The following HS3ST3A1 variants were observed in gnomAD, a reference collection of about 807,000 sequenced individuals.
HS3ST3A1 encodes heparan sulfate glucosamine 3-O-sulfotransferase 3A1.
A neutral mutation model predicts 25.7 loss-of-function variants in HS3ST3A1; 19 were observed. The observed-to-expected ratio is 0.74, with a 90% confidence interval of 0.52 to 1.08. The LOEUF (loss-of-function observed/expected upper bound fraction) is 1.08, where lower values mean the gene tolerates loss of function less well. Among genes scored for constraint, HS3ST3A1 ranks in the 50% least tolerant of loss-of-function variants. HS3ST3A1 has a pLI of 0.00. For synonymous variants in HS3ST3A1, 226 were observed against 278.6 expected (o/e 0.81, Z 1.88); for missense variants, 459 against 594.3 (o/e 0.77, Z 2.37).
At chr17:13,515,167 A>T (rs1906009561) in intron 1 of HS3ST3A1, among the ~76,000 whole-genome samples, 1 of 152,160 alleles carries the variant, frequency 6.6e-6, no homozygotes, top group South Asian at 2.1e-4. Context: ...AATTGCAATA[A>T]CATATATTTT....
intron 1 of HS3ST3A1, among the ~76,000 whole-genome samples, chr17:13,571,137 T>C (rs1049261434): frequency 4.6e-5 from 7 of 152,298 alleles, no homozygotes; most frequent in Admixed American, 1.3e-4. Context: ...GGAAGGGGGC[T>C]TTGCAAAGCT....
At chr17:13,546,600 T>C (rs1490319670) in intron 1 of HS3ST3A1, among the ~76,000 whole-genome samples, 1 of 152,216 alleles carries the variant, frequency 6.6e-6, no homozygotes, top group Non-Finnish European at 1.5e-5. Flanking sequence ...TATCTTGCAG[T>C]AGATTTTTCC....
chr17:13,566,869 A>G (rs1193555312), intron 1 of HS3ST3A1, among the ~76,000 whole-genome samples: 1 of 152,232 alleles, frequency 6.6e-6, no homozygotes, highest in Admixed American at 6.5e-5. Flanking sequence ...TCCATAACAT[A>G]AAAGTGTAAG....
At chr17:13,518,532 C>A (rs771619569) in intron 1 of HS3ST3A1, among the ~76,000 whole-genome samples, 8 of 152,194 alleles carry the variant, frequency 5.3e-5, no homozygotes, top group Non-Finnish European at 8.8e-5. Flanking sequence ...TTTATCCCTG[C>A]CATTTGCCAT....
intron 1 of HS3ST3A1, among the ~76,000 whole-genome samples, chr17:13,552,333 G>A (rs144615151): frequency 2.0e-5 from 3 of 152,156 alleles, no homozygotes; most frequent in East Asian, 3.9e-4. Context: ...CACCCGCCTC[G>A]GCCTCCTAAA....
intron 1 of HS3ST3A1, among the ~76,000 whole-genome samples, chr17:13,580,334 A>C (rs1908077246): frequency 6.6e-6 from 1 of 152,090 alleles, no homozygotes; most frequent in South Asian, 2.1e-4. Flanking sequence ...TAAAAATGAC[A>C]CTTTGACTTT....
chr17:13,542,940 A>G (rs756100490), intron 1 of HS3ST3A1, among the ~76,000 whole-genome samples: 4 of 152,160 alleles, frequency 2.6e-5, no homozygotes, highest in Non-Finnish European at 5.9e-5. Context: ...GACCTCTACA[A>G]GAACCCAAGA....
intron 1 of HS3ST3A1, among the ~76,000 whole-genome samples, chr17:13,505,208 A>G (rs1905620232): frequency 6.6e-6 from 1 of 152,216 alleles, no homozygotes; most frequent in Non-Finnish European, 1.5e-5. Flanking sequence ...AAAGGGGATT[A>G]CAAAAATAGT....
At chr17:13,577,222 A>G (rs988377076) in intron 1 of HS3ST3A1, among the ~76,000 whole-genome samples, 3 of 152,236 alleles carry the variant, frequency 2.0e-5, no homozygotes, top group African/African-American at 7.2e-5. Flanking sequence ...CTATAATTCA[A>G]GATGAGATTT....
intron 1 of HS3ST3A1, among the ~76,000 whole-genome samples, chr17:13,512,845 G>A (rs1261987704): frequency 3.3e-5 from 5 of 152,086 alleles, no homozygotes; most frequent in South Asian, 2.1e-4. Flanking sequence ...AACATTGCTG[G>A]CCCATCAACA....
rs1474226091 is a variant in HS3ST3A1 at position 13,496,763 on chromosome 17, A to G, written c.655T>C (p.Tyr219His). Residue 219 changes from tyrosine to histidine, a missense_variant, in exon 2 of 2, where the codon TAC (tyrosine) becomes CAC (histidine). Tyr to His is a moderately conservative substitution (Grantham distance 83). Transcript: ENST00000284110. ...GQITMEKTPS[Y>H]FVTREAPARI... ...GCGGGGGCCTCCCGCGTGACGAAGT[A>G]ACTGGGCGTCTTCTCCATGGTGATC... 6 of 1,613,964 alleles carry G rather than the reference A, an allele frequency of 3.7e-6. No homozygotes were observed. In the African/African-American group the frequency reaches 6.7e-5, roughly 18 times the overall value.
intron 1 of HS3ST3A1, among the ~76,000 whole-genome samples, chr17:13,562,460 T>G (rs1455494003): frequency 6.6e-6 from 1 of 152,048 alleles, no homozygotes; most frequent in Non-Finnish European, 1.5e-5. Context: ...ATTCCTGACA[T>G]TGCAGCCCCC....
At chr17:13,526,244 G>A (rs913083771) in intron 1 of HS3ST3A1, among the ~76,000 whole-genome samples, 1 of 151,848 alleles carries the variant, frequency 6.6e-6, no homozygotes, top group Non-Finnish European at 1.5e-5. Flanking sequence ...AGAGGCTCCT[G>A]TCCCAACTTC....
rs10632927 is a variant in HS3ST3A1, at chr17:13,560,289, CAAAAAAAAA to C, written c.599+40233_599+40241del. 5.9e-3 allele frequency among the ~76,000 whole-genome samples: 103 copies of C among 17,374 alleles called. 3 individuals are homozygous for C. The South Asian group carries it at 0.12, about 20-fold the overall frequency. 11.4% of individuals were successfully genotyped at this position (17,374 alleles called of 152,430 possible). ...TGGGCAACAGAGGGACACTCGTCTCCAAAAAAAAAAAAAAAAAAAAAAAAAAAAAAGTGT... is the reference window on the plus strand; with the variant it reads ...TGGGCAACAGAGGGACACTCGTCTCCAAAAAAAAAAAAAAAAAAAAAGTGT... On this transcript the variant is annotated intron_variant, in intron 1 of 1. Transcript: ENST00000284110.
At chr17:13,596,438 C>CACACACACAT (rs1555543575) in intron 1 of HS3ST3A1, among the ~76,000 whole-genome samples, 32 of 151,610 alleles carry the variant, frequency 2.1e-4, no homozygotes, top group African/African-American at 7.5e-4. Context: ...CACACACACA[C>CACACACACAT]ACACACACAC....
intron 1 of HS3ST3A1, among the ~76,000 whole-genome samples, chr17:13,579,716 AAAAAAAAAAAAAT>A (rs1475137448): frequency 7.0e-6 from 1 of 143,172 alleles, no homozygotes; most frequent in Non-Finnish European, 1.5e-5. Flanking sequence ...AAAAAAAAAA[AAAAAAAAAAAAAT>A]CATAAGAAAT....
chr17:13,590,241 T>A (rs973742776), intron 1 of HS3ST3A1, among the ~76,000 whole-genome samples: 7 of 150,834 alleles, frequency 4.6e-5, no homozygotes, highest in African/African-American at 1.7e-4. Flanking sequence ...GTGGAAAACA[T>A]CTGAGATGAA....
chr17:13,562,860 T>C lies in HS3ST3A1; in HGVS notation c.599+37671A>G, dbSNP rs371225635. On this transcript the variant is annotated intron_variant, in intron 1 of 1. Coordinates refer to ENST00000284110, the MANE Select transcript of HS3ST3A1 (RefSeq NM_006042.3). ...TACTATGACAGGACAGTATTTGAGT[T>C]AATAAAAAGACGATTTTTCTGCCTA... 7.9e-5 allele frequency among the ~76,000 whole-genome samples: 12 copies of C among 152,170 alleles called. No individual in the cohort carries two copies. The East Asian group carries it at 1.9e-3, about 25-fold the overall frequency.
intron 1 of HS3ST3A1, among the ~76,000 whole-genome samples, chr17:13,567,988 A>T (rs1458806099): frequency 6.6e-6 from 1 of 152,244 alleles, no homozygotes; most frequent in Non-Finnish European, 1.5e-5. Flanking sequence ...GCTATCAAAC[A>T]GCAGCATCGC....
Sources: allele counts gnomAD v4.1 joint callset (sites outside exome capture counted in the v4.1 genomes callset), GRCh38; gene constraint gnomAD v4.1.1; transcripts MANE v1.5; gene names NCBI Gene and HGNC (gene_info 2026-07-23, HGNC 2026-07-21).